Variants in IGSF9B observed in about 807,000 individuals in gnomAD.
IGSF9B encodes the protein immunoglobulin superfamily member 9B, also known as protein turtle homolog B.
In IGSF9B, 48 loss-of-function variants were observed where a neutral mutation model predicts 143.7. That is an observed-to-expected ratio of 0.33 (90% CI 0.26 to 0.42). The LOEUF is 0.42. Among genes scored for constraint, IGSF9B ranks in the 20% least tolerant of loss-of-function variants. The probability of loss-of-function intolerance (pLI) is 1.00; values close to 1 mark genes in which losing one functional copy is unlikely to be tolerated. For missense variants in IGSF9B, 1,706 were observed against 1,980.0 expected (o/e 0.86, Z 2.63); for synonymous variants, 903 against 833.1 (o/e 1.08, Z -1.44).
In IGSF9B at chr11:133,922,241, G is replaced by A. The variant is rs538049875; in HGVS notation, c.2282-19C>T. The A allele has an allele frequency of 6.8e-6, 11 of 1,610,456 alleles. No homozygotes were observed. The African/African-American group carries it at 1.2e-4, about 18-fold the overall frequency. On this transcript the variant is annotated intron_variant, in intron 16 of 19. Coordinates refer to ENST00000533871, the MANE Select transcript of IGSF9B (RefSeq NM_001277285.4). ...GGAGGGTCTGGAAGGAAAGAGAAGG[G>A]GAGAGGCTGCTGAGGCCAAGCCAGC...
rs1313924991 is a variant in IGSF9B, at chr11:133,919,788, C to G, written c.3937G>C (p.Glu1313Gln). ...QTPSPRRTGE[E>Q]LLRPETPPPT... ...GGTGGGGTCTCCGGTCGGAGCAATT[C>G]CTCCCCCGTCCTTCGAGGGGAAGGC... The change falls in exon 18 of 20, where the codon GAA (glutamate) becomes CAA (glutamine). Residue 1313 changes from glutamate to glutamine, a missense_variant. Glu to Gln is a conservative substitution (Grantham distance 29). This residue lies in a region of IGSF9B where 880 missense variants were observed against 762.9 expected (regional missense o/e 1.15). Transcript: ENST00000533871. 2.7e-6 allele frequency: 4 copies of G among 1,496,678 alleles called. No individual in the cohort carries two copies. In the Admixed American group the frequency reaches 9.1e-5, roughly 34 times the overall value. 92.7% of individuals were successfully genotyped at this position (1,496,678 alleles called of 1,614,324 possible).
rs1364362389 is a variant in IGSF9B, at chr11:133,903,576, C to T, written c.*5493G>A. 6.6e-6 allele frequency among the ~76,000 whole-genome samples: 1 copy of T among 152,206 alleles called. No homozygotes were observed. Among genetic ancestry groups the T allele is most frequent in the Non-Finnish European group, 1.5e-5 (1 of 68,042 alleles). ...GCCATTAATGACCCCTGTATGGATG[C>T]TTCATTTATCCTTATCCTACATGGG... On this transcript the variant is annotated 3_prime_UTR_variant, in exon 20 of 20. Transcript: ENST00000533871.
chr11:133,933,786 G>A (rs772276891), intron 7 of IGSF9B, among the ~76,000 whole-genome samples: 26 of 152,062 alleles, frequency 1.7e-4, no homozygotes, highest in Admixed American at 5.9e-4. Flanking sequence ...CTTGCAATGC[G>A]GGCTGAGTCA....
intron 1 of IGSF9B, among the ~76,000 whole-genome samples, chr11:133,954,979 T>C (rs1940223414): frequency 6.6e-6 from 1 of 152,236 alleles, no homozygotes; most frequent in Non-Finnish European, 1.5e-5. Flanking sequence ...TCCTTTATTC[T>C]GGGCTGAAAC....
In IGSF9B at chr11:133,931,960, A is replaced by G; in HGVS notation, c.1110+111T>C. 6.6e-7 allele frequency: 1 copy of G among 1,503,772 alleles called. No individual in the cohort carries two copies. The highest frequency in any genetic ancestry group is 8.9e-7 in the Non-Finnish European group (1 of 1,119,338). 93.2% of individuals were successfully genotyped at this position (1,503,772 alleles called of 1,614,324 possible). A position where few individuals can be genotyped will look rare whatever the true frequency, so the allele number is the denominator to read the frequency against. The stretch of plus-strand genomic sequence containing the variant: ...TACAGAAGCAGCTCTCTGTTTGCCC[A>G]GGGCTTTTGGAAGGGGCCAGGAGTC... On this transcript the variant is annotated intron_variant, in intron 8 of 19. Coordinates refer to ENST00000533871, the MANE Select transcript of IGSF9B (RefSeq NM_001277285.4). The surrounding 1 kb of genome is among the most constrained non-coding windows in gnomAD (Gnocchi z 7.7).
chr11:133,937,583 G>A (rs1431546713), intron 4 of IGSF9B, 90 bp from the exon 5 acceptor site: 2 of 1,142,808 alleles, frequency 1.8e-6, no homozygotes, highest in Non-Finnish European at 2.6e-6. Flanking sequence ...GAGACACTAA[G>A]GTGGAGATGA....
intron 18 of IGSF9B, among the ~76,000 whole-genome samples, chr11:133,916,793 C>T (rs1939390608): frequency 6.6e-6 from 1 of 152,090 alleles, no homozygotes; most frequent in African/African-American, 2.4e-5. Context: ...CTAGGGCTCC[C>T]ACACCTCCGG....
intron 17 of IGSF9B, 65 bp from the exon 18 acceptor site, chr11:133,921,462 T>A: frequency 7.8e-7 from 1 of 1,276,476 alleles, no homozygotes; most frequent in Non-Finnish European, 1.0e-6. Flanking sequence ...GGACTTCCTT[T>A]CCCTCTCTCG....
rs930699211 is a variant in IGSF9B at position 133,902,142 on chromosome 11, A to G, written c.*6927T>C. Among the ~76,000 whole-genome samples the G allele has an allele frequency of 1.3e-5, 2 of 149,076 alleles. No individual in the cohort carries two copies. The highest frequency in any genetic ancestry group is 6.7e-5 in the Admixed American group (1 of 14,990). On this transcript the variant is annotated 3_prime_UTR_variant, in exon 20 of 20. Coordinates refer to ENST00000533871, the MANE Select transcript of IGSF9B (RefSeq NM_001277285.4). ...CCACACACAGTCCATGTACCACACC[A>G]AACACACCAGACACACCACACACAC...
intron 3 of IGSF9B, among the ~76,000 whole-genome samples, chr11:133,943,351 G>A (rs1213849213): frequency 1.3e-5 from 2 of 152,190 alleles, no homozygotes; most frequent in East Asian, 3.9e-4. Flanking sequence ...CCACGACGGG[G>A]ACCACTTCTC....
At position 133,904,968 on chromosome 11, in the gene IGSF9B, A is replaced by C. The variant is rs510306; in HGVS notation, c.*4101T>G. ...ACACTGCCTACTAGATCCACTTTAT[A>C]TGAAGAAGATACCCAGGCAGGGCTG... On this transcript the variant is annotated 3_prime_UTR_variant, in exon 20 of 20. Transcript: ENST00000533871. 0.52 allele frequency among the ~76,000 whole-genome samples: 77,200 copies of C among 147,908 alleles called. 21,216 individuals carry two copies. Among genetic ancestry groups the C allele is most frequent in the East Asian group, 0.76 (3,787 of 5,010 alleles).
intron 1 of IGSF9B, among the ~76,000 whole-genome samples, chr11:133,955,800 C>A (rs934060453): frequency 6.6e-6 from 1 of 152,284 alleles, no homozygotes; most frequent in South Asian, 2.1e-4. Flanking sequence ...TCGGTGGCTC[C>A]CCCCTTGCGT....
Position 133,903,698 on chromosome 11 carries a change from C to T in IGSF9B, c.*5371G>A, listed in dbSNP as rs376039624. Among the ~76,000 whole-genome samples the T allele has an allele frequency of 6.6e-6, 1 of 152,146 alleles. No homozygotes were observed. Among genetic ancestry groups the T allele is most frequent in the African/African-American group, 2.4e-5 (1 of 41,432 alleles). ...AGGTTGAAAAAAACTTCCACCTTCTCGGCAACCCAACACACAGAACATCTG... is the reference window on the plus strand; with the variant it reads ...AGGTTGAAAAAAACTTCCACCTTCTTGGCAACCCAACACACAGAACATCTG... On this transcript the variant is annotated 3_prime_UTR_variant, in exon 20 of 20. Coordinates refer to ENST00000533871, the MANE Select transcript of IGSF9B (RefSeq NM_001277285.4).
At position 133,936,174 on chromosome 11, in the gene IGSF9B, G is replaced by A. The variant is rs753689646; in HGVS notation, c.700C>T (p.Pro234Ser). The A allele has an allele frequency of 5.6e-6, 9 of 1,611,260 alleles. No homozygotes were observed. The highest frequency in any genetic ancestry group is 1.7e-5 in the Admixed American group (1 of 59,676). ...ATGTTGACGGTGATGTTCTCAGGAG[G>A]GGAGACGATGAAAGGGGGCCCTGGG... The part of the protein sequence containing the change: ...LVQGPPFIVS[P>S]PENITVNISQ... The change falls in exon 6 of 20, where the codon CCT becomes TCT. Residue 234 changes from proline (P) to serine (S), a missense_variant. Physicochemically the swap from Pro to Ser is moderately conservative, Grantham distance 74. Around this residue, in one of 7 missense-constraint regions of IGSF9B, gnomAD observed 238 missense variants for 452.6 expected, o/e 0.53. Transcript: ENST00000533871.
intron 19 of IGSF9B, among the ~76,000 whole-genome samples, chr11:133,910,455 T>A (rs1024428738): frequency 1.3e-5 from 2 of 152,158 alleles, no homozygotes; most frequent in African/African-American, 4.8e-5. Context: ...TAACAGGCAT[T>A]ACCTAGCGGG....
intron 18 of IGSF9B, among the ~76,000 whole-genome samples, chr11:133,914,854 C>T (rs980106096): frequency 1.3e-5 from 2 of 152,190 alleles, no homozygotes; most frequent in Non-Finnish European, 2.9e-5. Context: ...CCTGTGCAAT[C>T]GAATTGCCTC....
Position 133,935,687 on chromosome 11 carries a change from C to T in IGSF9B, c.897G>A (p.Gly299=), listed in dbSNP as rs776400454. Residue 299 remains glycine (G), a synonymous_variant, in exon 7 of 20, where the codon GGG becomes GGA. Coordinates refer to ENST00000533871, the MANE Select transcript of IGSF9B (RefSeq NM_001277285.4). ...IIFRVKPEDS[G]KYTCVPSNSL... ...TGTTGCTGGGCACACAGGTGTACTT[C>T]CCCGAGTCCTCCGGCTTCACCCGGA... The T allele has an allele frequency of 1.2e-6, 2 of 1,610,576 alleles. No individual in the cohort carries two copies. Among genetic ancestry groups the T allele is most frequent in the Non-Finnish European group, 1.7e-6 (2 of 1,178,624 alleles).
rs746839644 is a variant in IGSF9B at position 133,932,175 on chromosome 11, C to T, written c.1006G>A (p.Val336Met). 23 of 1,597,512 alleles carry T rather than the reference C, an allele frequency of 1.4e-5. No individual in the cohort carries two copies. The highest frequency in any genetic ancestry group is 2.7e-5 in the African/African-American group (2 of 74,592). The change falls in exon 8 of 20, where the codon GTG becomes ATG. Residue 336 changes from valine (V) to methionine (M), a missense_variant. This residue lies in a region of IGSF9B where 238 missense variants were observed against 452.6 expected (regional missense o/e 0.53). Coordinates refer to ENST00000533871, the MANE Select transcript of IGSF9B (RefSeq NM_001277285.4). ...RVLNMPPVIY[V>M]PVGIHGYIRC... The stretch of plus-strand genomic sequence containing the variant: ...ATGTAGCCATGGATCCCCACGGGCA[C>T]GTAAATCACAGGGGGCATGTTGAGG...
chr11:133,930,883 G>T, intron 11 of IGSF9B, 101 bp downstream of exon 11: 1 of 1,216,932 alleles, frequency 8.2e-7, no homozygotes, highest in Non-Finnish European at 1.1e-6. Flanking sequence ...GGAGCCCGCA[G>T]AGTGCAGCGG....
Sources: allele counts gnomAD v4.1 joint callset (sites outside exome capture counted in the v4.1 genomes callset), GRCh38; gene constraint gnomAD v4.1.1; regional missense constraint gnomAD v4.1.1; non-coding constraint Gnocchi (gnomAD v3.1); transcripts MANE v1.5; gene names NCBI Gene and HGNC (gene_info 2026-07-23, HGNC 2026-07-21).